Variants in AP3B1 observed in about 807,000 individuals in gnomAD.
The protein encoded by AP3B1 is adaptor related protein complex 3 subunit beta 1, also known as AP-3 complex subunit beta-1.
AP3B1 carries 61 observed loss-of-function variants against 132.5 expected under a neutral mutation model. The observed-to-expected ratio is 0.46, with a 90% CI of 0.37 to 0.57. The LOEUF (loss-of-function observed/expected upper bound fraction) is 0.57, where lower values mean the gene tolerates loss of function less well. Among genes scored for constraint, AP3B1 ranks in the 20% least tolerant of loss-of-function variants. AP3B1 has a pLI of 0.00. For synonymous variants in AP3B1, 388 were observed against 438.3 expected (o/e 0.89, Z 1.43); for missense variants, 1,120 against 1,289.4 (o/e 0.87, Z 2.01).
At chr5:78,058,989 CA>C (rs2112139803) in intron 22 of AP3B1, among the ~76,000 whole-genome samples, 1 of 152,306 alleles carries the variant, frequency 6.6e-6, no homozygotes, top group Admixed American at 6.5e-5. Flanking sequence ...ACAGCCCCTT[CA>C]AAGATGTCTA....
At chr5:78,057,147 C>T (rs1748848821) in intron 22 of AP3B1, among the ~76,000 whole-genome samples, 2 of 152,152 alleles carry the variant, frequency 1.3e-5, no homozygotes, top group Non-Finnish European at 2.9e-5. Context: ...TAAGTCATTC[C>T]GAGATTTCCC....
intron 7 of AP3B1, among the ~76,000 whole-genome samples, chr5:78,186,659 TA>T (rs1276887627): frequency 1.3e-5 from 2 of 152,182 alleles, no homozygotes; most frequent in Non-Finnish European, 2.9e-5. Flanking sequence ...AATTATCTTT[TA>T]AAAACCATTT....
intron 22 of AP3B1, among the ~76,000 whole-genome samples, chr5:78,056,143 C>T (rs1002069519): frequency 6.6e-6 from 1 of 152,114 alleles, no homozygotes; most frequent in Admixed American, 6.6e-5. Flanking sequence ...ATGAATACCA[C>T]TTTTTTAAAA....
intron 7 of AP3B1, among the ~76,000 whole-genome samples, chr5:78,197,058 C>T (rs1222037558): frequency 2.0e-5 from 3 of 152,000 alleles, no homozygotes; most frequent in African/African-American, 4.8e-5. Context: ...ATTCATTGAT[C>T]GTAATGTAAA....
intron 12 of AP3B1, among the ~76,000 whole-genome samples, chr5:78,165,363 A>G (rs961188494): frequency 6.6e-6 from 1 of 152,218 alleles, no homozygotes; most frequent in African/African-American, 2.4e-5. Flanking sequence ...TACAATTTCA[A>G]ACAAAGACAG....
At chr5:78,234,731 G>A (rs973340955) in intron 3 of AP3B1, among the ~76,000 whole-genome samples, 4 of 152,110 alleles carry the variant, frequency 2.6e-5, no homozygotes, top group African/African-American at 9.7e-5. Flanking sequence ...ACATTGCTTG[G>A]CATATAGTAA....
intron 13 of AP3B1, among the ~76,000 whole-genome samples, chr5:78,162,057 G>T (rs1743409201): frequency 6.6e-6 from 1 of 151,830 alleles, no homozygotes; most frequent in Non-Finnish European, 1.5e-5. Context: ...ATTTTACAAA[G>T]AAAATTATGC....
chr5:78,037,054 A>C (rs1414409040), intron 23 of AP3B1, among the ~76,000 whole-genome samples: 2 of 152,184 alleles, frequency 1.3e-5, no homozygotes, highest in Admixed American at 6.5e-5. Context: ...AAGAATGACA[A>C]AGAAAAGCCT....
At chr5:78,120,700 T>A (rs1339356093) in intron 17 of AP3B1, among the ~76,000 whole-genome samples, 2 of 152,042 alleles carry the variant, frequency 1.3e-5, no homozygotes, top group Non-Finnish European at 2.9e-5. Context: ...AAGCAAGTCC[T>A]GAGTGACCTA....
At chr5:78,089,563 C>T (rs1026801988) in intron 21 of AP3B1, 64 bp from the exon 22 acceptor site, 20 of 1,057,882 alleles carry the variant, frequency 1.9e-5, no homozygotes, top group Non-Finnish European at 2.6e-5. Context: ...TTAAAAGCAA[C>T]ATTTTTATTT....
rs781356643 is a variant in AP3B1 at position 78,129,109 on chromosome 5, T to C, written c.1837+12A>G. The C allele has an allele frequency of 1.9e-6, 3 of 1,606,862 alleles. No homozygotes were observed. Among genetic ancestry groups the C allele is most frequent in the South Asian group, 1.1e-5 (1 of 89,916 alleles). ...AGATAACATATATTTTGGAGTTATA[T>C]TCTGATAATACCTTTAAAAGGAGAC... On this transcript the variant is annotated intron_variant, in intron 16 of 26. Coordinates refer to ENST00000255194, the MANE Select transcript of AP3B1 (RefSeq NM_003664.5).
chr5:78,263,382 A>T (rs147273238), intron 2 of AP3B1, among the ~76,000 whole-genome samples: 1 of 152,188 alleles, frequency 6.6e-6, no homozygotes, highest in Non-Finnish European at 1.5e-5. Context: ...AAACTTGCGT[A>T]TTGGTTCTAA....
intron 22 of AP3B1, among the ~76,000 whole-genome samples, chr5:78,050,885 T>C (rs1366788021): frequency 2.0e-5 from 3 of 152,228 alleles, no homozygotes; most frequent in Middle Eastern, 3.4e-3. Flanking sequence ...GTAACTGCAG[T>C]AACTGTAAAA....
chr5:78,020,994 G>T (rs117001247), intron 24 of AP3B1, among the ~76,000 whole-genome samples: 1 of 151,592 alleles, frequency 6.6e-6, no homozygotes, highest in African/African-American at 2.4e-5. Flanking sequence ...TCTCAATCAA[G>T]ATTTTTTAAA....
At chr5:78,079,900 G>GCT (rs1749916191) in intron 22 of AP3B1, among the ~76,000 whole-genome samples, 1 of 152,160 alleles carries the variant, frequency 6.6e-6, no homozygotes, top group Non-Finnish European at 1.5e-5. Context: ...TTCGCCAGTT[G>GCT]CAAGTATGGT....
intron 22 of AP3B1, among the ~76,000 whole-genome samples, chr5:78,070,941 T>A (rs923946784): frequency 6.6e-6 from 1 of 152,144 alleles, no homozygotes; most frequent in African/African-American, 2.4e-5. Flanking sequence ...GAAATAGGAA[T>A]GCTTTTACAC....
chr5:78,020,049 C>T (rs952228034), intron 25 of AP3B1, among the ~76,000 whole-genome samples: 1 of 151,986 alleles, frequency 6.6e-6, no homozygotes. Context: ...AAAACCACCT[C>T]GTTTTTATTA....
At chr5:78,123,991 A>G (rs1752350475) in intron 17 of AP3B1, among the ~76,000 whole-genome samples, 1 of 152,254 alleles carries the variant, frequency 6.6e-6, no homozygotes, top group African/African-American at 2.4e-5. Context: ...AATGTGGTAC[A>G]TATACACCAT....
chr5:78,184,698 AAC>A (rs1491413844), intron 7 of AP3B1, among the ~76,000 whole-genome samples: 10 of 152,166 alleles, frequency 6.6e-5, no homozygotes, highest in Non-Finnish European at 7.4e-5. Flanking sequence ...AAAAAAAAAA[AAC>A]AGAGTCTCAG....
Sources: allele counts gnomAD v4.1 joint callset (sites outside exome capture counted in the v4.1 genomes callset), GRCh38; gene constraint gnomAD v4.1.1; transcripts MANE v1.5; gene names NCBI Gene and HGNC (gene_info 2026-07-23, HGNC 2026-07-21).